Variants in SOX6 observed in about 807,000 individuals in gnomAD.
The protein encoded by SOX6 is transcription factor SOX-6.
Under a neutral mutation model 97.8 loss-of-function variants are expected in SOX6, and 11 were observed. The ratio of observed to expected loss-of-function variants is 0.11; its 90% CI spans 0.07 to 0.19. SOX6 has a LOEUF of 0.19. Among genes scored for constraint, SOX6 ranks in the 10% least tolerant of loss-of-function variants. The pLI, the probability that SOX6 is intolerant of heterozygous loss-of-function variation, is 1.00. For synonymous variants in SOX6, 360 were observed against 371.4 expected (o/e 0.97, Z 0.35); for missense variants, 810 against 1,039.5 (o/e 0.78, Z 3.04).
intron 7 of SOX6, among the ~76,000 whole-genome samples, chr11:16,104,230 T>C (rs1207343619): frequency 6.6e-6 from 1 of 151,974 alleles, no homozygotes; most frequent in African/African-American, 2.4e-5. Flanking sequence ...TATATTTAAA[T>C]AATCAACTAT....
chr11:16,310,570 G>A (rs1394564913), intron 3 of SOX6, among the ~76,000 whole-genome samples: 1 of 151,976 alleles, frequency 6.6e-6, no homozygotes, highest in African/African-American at 2.4e-5. Flanking sequence ...AAGAAAAAAT[G>A]AATTTAAATG....
At chr11:16,641,054 T>C (rs1478720338) in intron 3 of SOX6, among the ~76,000 whole-genome samples, 6 of 152,224 alleles carry the variant, frequency 3.9e-5, no homozygotes, top group Non-Finnish European at 7.3e-5. Flanking sequence ...TTTAGTGCTA[T>C]AAATTTCCCT....
intron 4 of SOX6, among the ~76,000 whole-genome samples, chr11:16,201,215 TAATTATTATGTCAAG>T (rs1048879107): frequency 1.9e-4 from 29 of 152,202 alleles, no homozygotes; most frequent in Middle Eastern, 6.9e-3. Context: ...GAGGTGCTGT[TAATTATTATGTCAAG>T]AACACAGGTA....
At chr11:16,531,534 C>T (rs1300888290) in intron 4 of SOX6, among the ~76,000 whole-genome samples, 1 of 151,664 alleles carries the variant, frequency 6.6e-6, no homozygotes, top group Non-Finnish European at 1.5e-5. Context: ...ATAAATATTA[C>T]ATTCCTATTT....
Position 16,341,259 on chromosome 11 carries a change from A to G in SOX6, c.-4-7T>C, listed in dbSNP as rs1279505883. ...TTGCTTGGAAGACATTCTTCTGCAGAAAAAAAACAGAACGGATTAAAAATG... is the reference window on the plus strand; with the variant it reads ...TTGCTTGGAAGACATTCTTCTGCAGGAAAAAAACAGAACGGATTAAAAATG... On this transcript the variant is annotated splice_polypyrimidine_tract_variant and splice_region_variant and intron_variant, in intron 1 of 15. Transcript: ENST00000683767. The G allele has an allele frequency of 6.2e-7, 1 of 1,612,166 alleles. No individual in the cohort carries two copies. The highest frequency in any genetic ancestry group is 1.3e-5 in the African/African-American group (1 of 74,854).
intron 3 of SOX6, among the ~76,000 whole-genome samples, chr11:16,283,076 TTATATATAATTTGTATATATATATATA>T (rs1854617188): frequency 1.2e-5 from 1 of 80,856 alleles, no homozygotes; most frequent in East Asian, 3.2e-4. Context: ...TATATGTAAA[TTATATATAATTTGTATATATATATATA>T]TATATATATA....
intron 9 of SOX6, among the ~76,000 whole-genome samples, chr11:16,077,704 G>A (rs540040474): frequency 6.6e-6 from 1 of 152,280 alleles, no homozygotes; most frequent in African/African-American, 2.4e-5. Flanking sequence ...ACTAATGCAG[G>A]AACAGAAAAT....
intron 6 of SOX6, among the ~76,000 whole-genome samples, chr11:16,158,008 G>A (rs1850647004): frequency 6.6e-6 from 1 of 151,902 alleles, no homozygotes; most frequent in African/African-American, 2.4e-5. Flanking sequence ...ACATTATATT[G>A]TTGCCATTTA....
At chr11:16,654,218 T>C (rs1404072687) in intron 3 of SOX6, among the ~76,000 whole-genome samples, 2 of 152,154 alleles carry the variant, frequency 1.3e-5, no homozygotes, top group Non-Finnish European at 2.9e-5. Context: ...TGAAGTGCAA[T>C]GGAGTCATCT....
At chr11:16,183,655 A>G (rs1216973046) in intron 6 of SOX6, among the ~76,000 whole-genome samples, 1 of 152,028 alleles carries the variant, frequency 6.6e-6, no homozygotes, top group African/African-American at 2.4e-5. Context: ...AAAGGCAAAA[A>G]GAAAAAAGAT....
At chr11:16,543,589 A>T (rs1430058169) in intron 4 of SOX6, among the ~76,000 whole-genome samples, 1 of 152,168 alleles carries the variant, frequency 6.6e-6, no homozygotes, top group Non-Finnish European at 1.5e-5. Context: ...GAACTCTTAC[A>T]ACTCAATAAT....
At chr11:16,421,010 AC>A (rs1302150793) in intron 1 of SOX6, among the ~76,000 whole-genome samples, 1 of 152,210 alleles carries the variant, frequency 6.6e-6, no homozygotes, top group African/African-American at 2.4e-5. Flanking sequence ...TATTCAGATA[AC>A]GAAGAGAATA....
chr11:16,076,767 G>T (rs1415046391), intron 9 of SOX6, among the ~76,000 whole-genome samples: 7 of 89,030 alleles, frequency 7.9e-5, no homozygotes, highest in Admixed American at 1.6e-4. Context: ...TTTTTTTTGA[G>T]ACGGAGTCTC....
chr11:16,376,398 A>G (rs1156480868), intron 1 of SOX6, among the ~76,000 whole-genome samples: 3 of 152,110 alleles, frequency 2.0e-5, no homozygotes, highest in Non-Finnish European at 4.4e-5. Flanking sequence ...AAAAGATGCT[A>G]GCTGCCAAAG....
At chr11:16,235,958 G>A (rs1380182086) in intron 3 of SOX6, among the ~76,000 whole-genome samples, 3 of 152,074 alleles carry the variant, frequency 2.0e-5, no homozygotes. Flanking sequence ...AGATCAGTGT[G>A]TTGTAAAAAC....
intron 3 of SOX6, among the ~76,000 whole-genome samples, chr11:16,656,506 C>T (rs1847719382): frequency 6.6e-6 from 1 of 152,120 alleles, no homozygotes; most frequent in Non-Finnish European, 1.5e-5. Flanking sequence ...TAAGCTAAAA[C>T]TCATCTTAAA....
chr11:16,341,141 A>G lies in SOX6; in HGVS notation c.108T>C (p.His36=), dbSNP rs778595229. The G allele has an allele frequency of 9.3e-6, 15 of 1,613,556 alleles. No homozygotes were observed. The highest frequency in any genetic ancestry group is 1.3e-5 in the Non-Finnish European group (15 of 1,179,602). The change falls in exon 2 of 16, where the codon CAT becomes CAC. Residue 36 remains histidine, a synonymous_variant. Transcript: ENST00000683767. ...SREKEEGSDQ[H]VASHLPLHPI... is the part of the protein sequence containing the mutation. ...GGTGCAGAGGCAGATGGGAGGCCAC[A>G]TGTTGATCACTGCCCTCTTCCTTTT...
rs940531015 is a variant in SOX6 at position 16,015,408 on chromosome 11, C to T, written c.1624-358G>A. 36 of 252,186 alleles carry T rather than the reference C, an allele frequency of 1.4e-4. 1 individual carries two copies. Among genetic ancestry groups the T allele is most frequent in the Middle Eastern group, 1.5e-3 (1 of 676 alleles). The allele number at this position is 252,186 out of a possible 1,614,324, so 15.6% of individuals were successfully genotyped here. ...AAAGAGCAGTTCTTATTAAAATACA[C>T]GGCTCAATTTAATGGGAGAGGAATT... On this transcript the variant is annotated intron_variant, in intron 12 of 15. Coordinates refer to ENST00000683767, the MANE Select transcript of SOX6 (RefSeq NM_001367873.1).
Position 16,550,391 on chromosome 11 carries a change from C to A in SOX6, n.609+61690G>T, listed in dbSNP as rs11023984. On this transcript the variant is annotated intron_variant and non_coding_transcript_variant, in intron 4 of 5. Transcript: ENST00000524520. ...ATGACGAGTTAATGGGTGCAGCACA[C>A]CAACATGGCATATGTATACATATGT... Among the ~76,000 whole-genome samples, 597 of 151,998 alleles carry A rather than the reference C, an allele frequency of 3.9e-3. 25 individuals carry two copies. The East Asian group carries it at 0.092, about 23-fold the overall frequency.
Sources: allele counts gnomAD v4.1 joint callset (sites outside exome capture counted in the v4.1 genomes callset), GRCh38; gene constraint gnomAD v4.1.1; transcripts MANE v1.5; gene names NCBI Gene and HGNC (gene_info 2026-07-23, HGNC 2026-07-21).